The following SYNRG variants were observed in gnomAD, a reference collection of about 807,000 sequenced individuals.
The protein encoded by SYNRG is AP1 gamma subunit binding protein 1.
SYNRG carries 37 observed loss-of-function variants against 130.9 expected under a neutral mutation model. The ratio of observed to expected loss-of-function variants is 0.28; its 90% CI spans 0.22 to 0.37. The LOEUF (loss-of-function observed/expected upper bound fraction) is 0.37, where lower values mean the gene tolerates loss of function less well. Ranked by LOEUF, SYNRG falls within the 10% of genes least tolerant of loss-of-function variation. The pLI is 1.00. For missense variants in SYNRG, 1,338 were observed against 1,588.9 expected (o/e 0.84, Z 2.68); for synonymous variants, 539 against 568.1 (o/e 0.95, Z 0.73).
chr17:37,598,642 T>C (rs1361231631), intron 2 of SYNRG, among the ~76,000 whole-genome samples: 1 of 152,198 alleles, frequency 6.6e-6, no homozygotes. Flanking sequence ...TTCTTACATA[T>C]GTTTTCAGAA....
At chr17:37,607,914 C>G (rs2063908239) in intron 1 of SYNRG, among the ~76,000 whole-genome samples, 1 of 145,110 alleles carries the variant, frequency 6.9e-6, no homozygotes, top group South Asian at 2.2e-4. Context: ...CGAGATCACG[C>G]CGCCGCACTC....
intron 11 of SYNRG, among the ~76,000 whole-genome samples, chr17:37,563,004 A>G (rs1028713991): frequency 6.6e-6 from 1 of 152,244 alleles, no homozygotes; most frequent in Non-Finnish European, 1.5e-5. Context: ...AAAAAAAACA[A>G]CAACAGAATC....
rs780271635 is a variant in SYNRG, at chr17:37,520,492, T to C, written c.3777+46A>G. On this transcript the variant is annotated intron_variant, in intron 20 of 21. Coordinates refer to ENST00000612223, the MANE Select transcript of SYNRG (RefSeq NM_007247.6). The stretch of plus-strand genomic sequence containing the variant: ...GGCCAGATGAGGTTGTCCAGAGTCA[T>C]GTTAGGGAAGCCCTTTGCTGTCTGC... The C allele has an allele frequency of 3.8e-6, 6 of 1,563,066 alleles. No individual in the cohort carries two copies. The South Asian group carries it at 5.6e-5, about 14-fold the overall frequency.
intron 13 of SYNRG, among the ~76,000 whole-genome samples, chr17:37,555,458 T>A (rs1222340835): frequency 1.3e-5 from 2 of 152,200 alleles, no homozygotes; most frequent in African/African-American, 4.8e-5. Context: ...GGTTTCTATA[T>A]TCTTTATTAT....
At chr17:37,555,148 C>T (rs1207310369) in intron 13 of SYNRG, among the ~76,000 whole-genome samples, 3 of 150,968 alleles carry the variant, frequency 2.0e-5, no homozygotes, top group African/African-American at 4.9e-5. Flanking sequence ...TTTTTTGAGA[C>T]AGAGTTTCAT....
At position 37,541,034 on chromosome 17, in the gene SYNRG, C is replaced by A. The variant is rs1020891231; in HGVS notation, c.3203-491G>T. ...TACATGTTAAATCTTTTCTACTGTT[C>A]TCTCTTGCACGGTTTCCCTGCGTTT... On this transcript the variant is annotated intron_variant, in intron 15 of 21. Coordinates refer to ENST00000612223, the MANE Select transcript of SYNRG (RefSeq NM_007247.6). The A allele has an allele frequency of 6.1e-6, 6 of 986,160 alleles. No individual in the cohort carries two copies. The African/African-American group carries it at 1.0e-4, about 17-fold the overall frequency. The allele number at this position is 986,160 out of a possible 1,614,324, so 61.1% of individuals were successfully genotyped here. A position where few individuals can be genotyped will look rare whatever the true frequency, so the allele number is the denominator to read the frequency against.
Position 37,570,620 on chromosome 17 carries a change from A to C in SYNRG, c.1347+17T>G. The C allele has an allele frequency of 6.2e-7, 1 of 1,602,762 alleles. No individual in the cohort carries two copies. The highest frequency in any genetic ancestry group is 8.5e-7 in the Non-Finnish European group (1 of 1,173,936). On this transcript the variant is annotated intron_variant, in intron 10 of 21. Coordinates refer to ENST00000612223, the MANE Select transcript of SYNRG (RefSeq NM_007247.6). ...CTTTCAGTGATTATCTGAAATATGC[A>C]CAGCTTCGCCATTTACCTGATTTGC... is the stretch of plus-strand genomic sequence containing the variant.
chr17:37,524,480 G>A (rs6607277), intron 19 of SYNRG, among the ~76,000 whole-genome samples: 103,391 of 152,240 alleles, frequency 0.68, 36,029 homozygotes, highest in East Asian at 0.95. Flanking sequence ...ACGGTTTTCA[G>A]AGAAGAAAAG....
chr17:37,576,489 T>G (rs1208744084), intron 7 of SYNRG, 71 bp from the exon 8 acceptor site: 1 of 1,459,670 alleles, frequency 6.9e-7, no homozygotes, highest in African/African-American at 1.4e-5. Context: ...TGAGTCATGG[T>G]TTTTTACAAA....
At chr17:37,528,015 G>A (rs2056163370) in intron 19 of SYNRG, among the ~76,000 whole-genome samples, 1 of 152,114 alleles carries the variant, frequency 6.6e-6, no homozygotes, top group Non-Finnish European at 1.5e-5. Flanking sequence ...GAGTCTTCAT[G>A]GGAAGAAATA....
In SYNRG at chr17:37,551,624, A is replaced by G. The variant is rs540940978; in HGVS notation, c.2608+1491T>C. ...ATTTCATAAAGACATCTACCTTGGCACTGTGAAAGAATATAGATTCACTTT... is the reference window on the plus strand; with the variant it reads ...ATTTCATAAAGACATCTACCTTGGCGCTGTGAAAGAATATAGATTCACTTT... On this transcript the variant is annotated intron_variant, in intron 14 of 21. Coordinates refer to ENST00000612223, the MANE Select transcript of SYNRG (RefSeq NM_007247.6). Among the ~76,000 whole-genome samples, 5 of 152,340 alleles carry G rather than the reference A, an allele frequency of 3.3e-5. No individual in the cohort carries two copies. The South Asian group carries it at 6.2e-4, about 19-fold the overall frequency.
chr17:37,593,115 A>G (rs901348895), intron 3 of SYNRG, among the ~76,000 whole-genome samples: 5 of 152,064 alleles, frequency 3.3e-5, no homozygotes, highest in African/African-American at 1.2e-4. Flanking sequence ...TATAATAATA[A>G]TCAAGACTAA....
chr17:37,570,519 C>T, intron 10 of SYNRG, 118 bp downstream of exon 10: 6 of 1,327,620 alleles, frequency 4.5e-6, no homozygotes, highest in South Asian at 3.5e-5. Context: ...AAGATACAAC[C>T]TAAGAATTTA....
Position 37,569,009 on chromosome 17 carries a change from C to A in SYNRG, c.1348-85G>T, listed in dbSNP as rs998921327. The A allele has an allele frequency of 5.7e-5, 83 of 1,462,172 alleles. No individual in the cohort carries two copies. In the South Asian group the frequency reaches 1.1e-3, roughly 19 times the overall value. The allele number at this position is 1,462,172 out of a possible 1,614,324, so 90.6% of individuals were successfully genotyped here. A position where few individuals can be genotyped will look rare whatever the true frequency, so the allele number is the denominator to read the frequency against. On this transcript the variant is annotated intron_variant, in intron 10 of 21. Coordinates refer to ENST00000612223, the MANE Select transcript of SYNRG (RefSeq NM_007247.6). ...AATCAAAAGTCAATCTCAAAGACTGCCTTTAAAATTTCTCAGTTTAGATAC... is the reference window on the plus strand; with the variant it reads ...AATCAAAAGTCAATCTCAAAGACTGACTTTAAAATTTCTCAGTTTAGATAC...
rs375260419 is a variant in SYNRG, at chr17:37,571,986, A to T, written c.903T>A (p.Asp301Glu). 5 of 1,609,972 alleles carry T rather than the reference A, an allele frequency of 3.1e-6. No homozygotes were observed. Among genetic ancestry groups the T allele is most frequent in the Non-Finnish European group, 4.2e-6 (5 of 1,178,530 alleles). ...PWIYNESLVP[D>E]AYKKILETTM... ...TGGTTTCTAAGATTTTCTTATAGGCATCTATTAAAGGAAAGACCAGATTAC... is the reference window on the plus strand; with the variant it reads ...TGGTTTCTAAGATTTTCTTATAGGCTTCTATTAAAGGAAAGACCAGATTAC... The change falls in exon 9 of 22, where the codon GAT (aspartate) becomes GAA (glutamate). Residue 301 changes from aspartate to glutamate, a missense_variant and splice_region_variant. Physicochemically the swap from Asp to Glu is conservative, Grantham distance 45 (BLOSUM62 2). Around this residue, in one of 3 missense-constraint regions of SYNRG, gnomAD observed 1,146 missense variants for 1,342.3 expected, o/e 0.85. Transcript: ENST00000612223.
intron 8 of SYNRG, among the ~76,000 whole-genome samples, chr17:37,572,726 G>A (rs567864858): frequency 1.8e-4 from 27 of 152,256 alleles, no homozygotes; most frequent in East Asian, 3.9e-4. Flanking sequence ...AAGGTGCTAC[G>A]GAAATACAGC....
At chr17:37,520,430 A>T in intron 20 of SYNRG, 108 bp downstream of exon 20, 1 of 1,204,926 alleles carries the variant, frequency 8.3e-7, no homozygotes, top group Non-Finnish European at 1.2e-6. Flanking sequence ...GACTTGAGAA[A>T]ATCCCCACCT....
chr17:37,566,121 T>C (rs71547300), intron 11 of SYNRG, among the ~76,000 whole-genome samples: 29 of 152,320 alleles, frequency 1.9e-4, no homozygotes, highest in African/African-American at 7.0e-4. Flanking sequence ...GCCACCACCC[T>C]GTCTGGGAAG....
intron 8 of SYNRG, among the ~76,000 whole-genome samples, chr17:37,573,340 T>G (rs1365370315): frequency 6.6e-6 from 1 of 152,052 alleles, no homozygotes; most frequent in East Asian, 1.9e-4. Flanking sequence ...GAGGCAGAGG[T>G]TGCAGTGAGC....
Sources: allele counts gnomAD v4.1 joint callset (sites outside exome capture counted in the v4.1 genomes callset), GRCh38; gene constraint gnomAD v4.1.1; regional missense constraint gnomAD v4.1.1; transcripts MANE v1.5; gene names NCBI Gene and HGNC (gene_info 2026-07-23, HGNC 2026-07-21).